Variants in CAMTA1 observed in about 807,000 individuals in gnomAD.
CAMTA1 encodes calmodulin binding transcription activator 1, also known as calmodulin-binding transcription activator 1.
CAMTA1 carries 27 observed loss-of-function variants against 170.9 expected under a neutral mutation model. The ratio of observed to expected loss-of-function variants is 0.16; its 90% CI spans 0.12 to 0.22. The LOEUF (loss-of-function observed/expected upper bound fraction) is 0.22. CAMTA1 is among the 10% of genes least tolerant of loss of function. The pLI, the probability that CAMTA1 is intolerant of heterozygous loss-of-function variation, is 1.00. For synonymous variants in CAMTA1, 833 were observed against 891.5 expected (o/e 0.93, Z 1.17); for missense variants, 1,619 against 2,217.2 (o/e 0.73, Z 5.42).
At chr1:7,288,504 G>A (rs573082745) in intron 5 of CAMTA1, among the ~76,000 whole-genome samples, 4 of 152,184 alleles carry the variant, frequency 2.6e-5, no homozygotes, top group Non-Finnish European at 5.9e-5. Flanking sequence ...AGTGTGGGCC[G>A]TTCAGTCAAT....
intron 4 of CAMTA1, among the ~76,000 whole-genome samples, chr1:7,246,276 G>A (rs201733517): frequency 6.6e-6 from 1 of 152,210 alleles, no homozygotes; most frequent in East Asian, 1.9e-4. Flanking sequence ...CATAGGGTGG[G>A]TGCAAGGATG....
rs1002573438 is a variant in CAMTA1 at position 7,665,641 on chromosome 1, A to G, written c.2652+442A>G. Reference sequence around the variant, plus strand: ...GAGTCCGGAGGAGCACTTGAGCCCAAGAGGTTGAGGCTGCAGTGAGCTGTG... The same window carrying G: ...GAGTCCGGAGGAGCACTTGAGCCCAGGAGGTTGAGGCTGCAGTGAGCTGTG... On this transcript the variant is annotated intron_variant, in intron 9 of 22. Transcript: ENST00000303635. The surrounding 1 kb of genome is among the most constrained non-coding windows in gnomAD (Gnocchi z 4.3). 6.6e-6 allele frequency among the ~76,000 whole-genome samples: 1 copy of G among 152,186 alleles called. No individual in the cohort carries two copies. The highest frequency in any genetic ancestry group is 2.4e-5 in the African/African-American group (1 of 41,522).
intron 11 of CAMTA1, among the ~76,000 whole-genome samples, chr1:7,709,262 C>T (rs2096551279): frequency 1.3e-5 from 2 of 152,206 alleles, no homozygotes; most frequent in Admixed American, 1.3e-4. Context: ...AGCATAATGC[C>T]ATCTGGGACT....
At chr1:7,503,035 G>T (rs1435181545) in intron 6 of CAMTA1, among the ~76,000 whole-genome samples, 2 of 152,222 alleles carry the variant, frequency 1.3e-5, no homozygotes, top group Admixed American at 6.5e-5. Context: ...CTTAGCCGGG[G>T]CCTGGCACAC....
At chr1:7,214,379 T>G (rs1361899267) in intron 4 of CAMTA1, among the ~76,000 whole-genome samples, 1 of 150,248 alleles carries the variant, frequency 6.7e-6, no homozygotes, top group African/African-American at 2.5e-5. Flanking sequence ...ATTTTTTTCT[T>G]TTTTTGAGAC....
At chr1:7,704,470 T>C (rs2096482888) in intron 11 of CAMTA1, among the ~76,000 whole-genome samples, 2 of 144,040 alleles carry the variant, frequency 1.4e-5, no homozygotes, top group South Asian at 4.3e-4. Context: ...GGGGCCCGGC[T>C]CTCGCGCGGG....
intron 11 of CAMTA1, among the ~76,000 whole-genome samples, chr1:7,719,296 A>G (rs2096634225): frequency 6.6e-6 from 1 of 152,140 alleles, no homozygotes; most frequent in Non-Finnish European, 1.5e-5. Flanking sequence ...TCACCCTGAG[A>G]CACCCCTAGC....
chr1:7,506,432 CTCAAAATTCACA>C (rs2094110559), intron 6 of CAMTA1, among the ~76,000 whole-genome samples: 4 of 77,584 alleles, frequency 5.2e-5, no homozygotes, highest in African/African-American at 1.6e-4. Flanking sequence ...CATGCTCACA[CTCAAAATTCACA>C]CTCAAAATTC....
At chr1:6,820,368 A>T (rs1646347166) in intron 2 of CAMTA1, 118 bp downstream of exon 2, 1 of 897,018 alleles carries the variant, frequency 1.1e-6, no homozygotes, top group South Asian at 1.5e-5. Flanking sequence ...TGGGTTCTGC[A>T]CTTAACTGCT....
rs1024967966 is a variant in CAMTA1 at position 7,113,954 on chromosome 1, A to G, written c.302+22583A>G. ...TCTTTCTTTACATCATCGGCAAGCC[A>G]CTGTTTCGGATTCTTCAGGGCTGGC... On this transcript the variant is annotated intron_variant, in intron 4 of 22. Coordinates refer to ENST00000303635, the MANE Select transcript of CAMTA1 (RefSeq NM_015215.4). The surrounding 1 kb of genome is among the most constrained non-coding windows in gnomAD (Gnocchi z 4.5). Among the ~76,000 whole-genome samples, 2 of 152,156 alleles carry G rather than the reference A, an allele frequency of 1.3e-5. No individual in the cohort carries two copies. Among genetic ancestry groups the G allele is most frequent in the South Asian group, 2.1e-4 (1 of 4,822 alleles).
At position 7,286,610 on chromosome 1, in the gene CAMTA1, A is replaced by G. The variant is rs1177108727; in HGVS notation, c.438+36984A>G. On this transcript the variant is annotated intron_variant, in intron 5 of 22. Transcript: ENST00000303635. This position sits in a 1 kb window ranked among gnomAD's most constrained non-coding sequence, Gnocchi z 4.2. The stretch of plus-strand genomic sequence containing the variant: ...AGGATTTTGGCAGCAATGCGTTTCT[A>G]TAAGAAGTGGAGATATTTGGAGCTG... 6.6e-6 allele frequency among the ~76,000 whole-genome samples: 1 copy of G among 152,200 alleles called. No homozygotes were observed. The highest frequency in any genetic ancestry group is 1.5e-5 in the Non-Finnish European group (1 of 68,038).
chr1:6,900,201 C>A (rs1676632035), intron 3 of CAMTA1, among the ~76,000 whole-genome samples: 1 of 152,150 alleles, frequency 6.6e-6, no homozygotes, highest in Non-Finnish European at 1.5e-5. Context: ...AGTCATCAGG[C>A]CTGCCACCAG....
chr1:7,530,820 T>G (rs1176160052), intron 6 of CAMTA1, among the ~76,000 whole-genome samples: 2 of 147,200 alleles, frequency 1.4e-5, no homozygotes, highest in Non-Finnish European at 3.0e-5. Flanking sequence ...TTGTTTTTTT[T>G]TTTTTTTTTT....
intron 3 of CAMTA1, among the ~76,000 whole-genome samples, chr1:6,956,399 T>C (rs1689464390): frequency 4.6e-5 from 7 of 152,222 alleles, no homozygotes; most frequent in Admixed American, 2.6e-4. Flanking sequence ...CCCTTGCCCC[T>C]GCTTGATGCA....
intron 6 of CAMTA1, among the ~76,000 whole-genome samples, chr1:7,613,245 C>T (rs1432517260): frequency 6.6e-6 from 1 of 152,186 alleles, no homozygotes; most frequent in East Asian, 1.9e-4. Context: ...TAGAGCAAAG[C>T]CAGAGTCCTC....
chr1:7,601,500 G>C (rs1302655302), intron 6 of CAMTA1, among the ~76,000 whole-genome samples: 1 of 148,822 alleles, frequency 6.7e-6, no homozygotes, highest in African/African-American at 2.6e-5. Flanking sequence ...CAGACGATGG[G>C]CGGCCAGGCA....
intron 3 of CAMTA1, among the ~76,000 whole-genome samples, chr1:6,892,849 T>G (rs1464098421): frequency 1.3e-5 from 2 of 151,846 alleles, no homozygotes; most frequent in South Asian, 2.1e-4. Context: ...ACCACTTTGG[T>G]GGGTGTTTTG....
intron 7 of CAMTA1, among the ~76,000 whole-genome samples, chr1:7,654,806 C>T (rs1222552576): frequency 1.8e-4 from 4 of 21,940 alleles, no homozygotes; most frequent in Non-Finnish European, 4.3e-4. Flanking sequence ...TATACACACA[C>T]CCACACACAC....
At chr1:7,072,363 A>G (rs1198512957) in intron 3 of CAMTA1, among the ~76,000 whole-genome samples, 1 of 152,126 alleles carries the variant, frequency 6.6e-6, no homozygotes, top group East Asian at 1.9e-4. Flanking sequence ...ACGCATCCCA[A>G]ATCTGAAACC....
Sources: allele counts gnomAD v4.1 joint callset (sites outside exome capture counted in the v4.1 genomes callset), GRCh38; gene constraint gnomAD v4.1.1; non-coding constraint Gnocchi (gnomAD v3.1); transcripts MANE v1.5; gene names NCBI Gene and HGNC (gene_info 2026-07-23, HGNC 2026-07-21).